GRM8: variants seen among roughly 807,000 people sequenced by gnomAD.
The protein encoded by GRM8 is glutamate metabotropic receptor 8.
GRM8 carries 47 observed loss-of-function variants against 87.2 expected under a neutral mutation model. The observed-to-expected ratio is 0.54, with a 90% CI of 0.43 to 0.69. The LOEUF is 0.69. GRM8 is among the 30% of genes least tolerant of loss of function. The pLI is 0.00. For synonymous variants in GRM8, 396 were observed against 404.5 expected, an observed-to-expected ratio of 0.98 and a Z score of 0.25; for missense variants, 1,019 against 1,139.2, an observed-to-expected ratio of 0.89 and a Z score of 1.52.
chr7:126,926,488 G>A (rs1269879507), intron 3 of GRM8, among the ~76,000 whole-genome samples: 1 of 151,976 alleles, frequency 6.6e-6, no homozygotes, highest in Non-Finnish European at 1.5e-5. Context: ...TCTCACCTGG[G>A]TTACTATAAT....
At chr7:127,096,045 T>C (rs866597165) in intron 3 of GRM8, among the ~76,000 whole-genome samples, 11 of 152,214 alleles carry the variant, frequency 7.2e-5, no homozygotes, top group Non-Finnish European at 1.5e-4. Context: ...TATTTAACTA[T>C]GGGCCAGCAC....
chr7:126,570,017 T>C (rs1794567252), intron 8 of GRM8, among the ~76,000 whole-genome samples: 1 of 152,198 alleles, frequency 6.6e-6, no homozygotes, highest in African/African-American at 2.4e-5. Context: ...TTTATCCACA[T>C]GGATTTCATG....
intron 3 of GRM8, among the ~76,000 whole-genome samples, chr7:126,964,710 G>C (rs181842114): frequency 1.7e-3 from 258 of 152,296 alleles, no homozygotes; most frequent in African/African-American, 6.0e-3. Context: ...CCCTGTTGGT[G>C]GTAGGGTAAA....
chr7:127,157,135 A>G (rs1463214964), intron 2 of GRM8, among the ~76,000 whole-genome samples: 1 of 151,898 alleles, frequency 6.6e-6, no homozygotes, highest in Non-Finnish European at 1.5e-5. Context: ...AGGTCTAACA[A>G]GGAAAAGAAG....
At chr7:126,992,842 T>C (rs1312956067) in intron 3 of GRM8, among the ~76,000 whole-genome samples, 1 of 151,954 alleles carries the variant, frequency 6.6e-6, no homozygotes, top group Non-Finnish European at 1.5e-5. Flanking sequence ...TGTGTGTGTG[T>C]GTGTGTGTGT....
At chr7:126,562,828 C>T (rs899246930) in intron 8 of GRM8, among the ~76,000 whole-genome samples, 1 of 152,048 alleles carries the variant, frequency 6.6e-6, no homozygotes, top group African/African-American at 2.4e-5. Context: ...ACCCAGGAGG[C>T]AGATATTGCG....
At chr7:126,814,759 ATAT>A (rs1431862977) in intron 6 of GRM8, among the ~76,000 whole-genome samples, 1 of 149,416 alleles carries the variant, frequency 6.7e-6, no homozygotes, top group Non-Finnish European at 1.5e-5. Context: ...TGCCATTCTT[ATAT>A]TTTTTTTTTC....
chr7:127,165,297 G>T (rs1356723590), intron 2 of GRM8, among the ~76,000 whole-genome samples: 2 of 150,054 alleles, frequency 1.3e-5, no homozygotes, highest in Non-Finnish European at 3.0e-5. Context: ...TTTCTAAAAG[G>T]GTGACATTTT....
At chr7:126,735,789 A>C (rs978728626) in intron 7 of GRM8, among the ~76,000 whole-genome samples, 1 of 152,108 alleles carries the variant, frequency 6.6e-6, no homozygotes, top group African/African-American at 2.4e-5. Context: ...GAACAAAGAG[A>C]GACACAGAAT....
At chr7:127,183,555 A>G (rs1425297128) in intron 2 of GRM8, among the ~76,000 whole-genome samples, 1 of 151,792 alleles carries the variant, frequency 6.6e-6, no homozygotes, top group African/African-American at 2.4e-5. Flanking sequence ...AAGGAAAATT[A>G]TGGCACTAAA....
intron 7 of GRM8, among the ~76,000 whole-genome samples, chr7:126,700,195 C>T (rs1461902339): frequency 1.3e-5 from 2 of 152,082 alleles, no homozygotes; most frequent in East Asian, 1.9e-4. Flanking sequence ...ACAGCAATTT[C>T]ACAATATCTA....
intron 3 of GRM8, among the ~76,000 whole-genome samples, chr7:127,051,763 AAAGC>A (rs1819512062): frequency 1.3e-5 from 2 of 150,128 alleles, no homozygotes; most frequent in African/African-American, 2.5e-5. Flanking sequence ...AAAAAAAAAA[AAAGC>A]AGGTTATAAA....
intron 7 of GRM8, among the ~76,000 whole-genome samples, chr7:126,744,436 G>A (rs1299212791): frequency 6.6e-6 from 1 of 151,920 alleles, no homozygotes; most frequent in Non-Finnish European, 1.5e-5. Context: ...TCAAGTCCAG[G>A]TTTTCTGATC....
At chr7:127,125,162 A>G (rs1347220863) in intron 2 of GRM8, among the ~76,000 whole-genome samples, 2 of 152,202 alleles carry the variant, frequency 1.3e-5, no homozygotes, top group Non-Finnish European at 2.9e-5. Context: ...AATGCAAAGA[A>G]TTTACAATAG....
At chr7:126,588,138 A>G (rs1028167124) in intron 8 of GRM8, among the ~76,000 whole-genome samples, 17 of 152,324 alleles carry the variant, frequency 1.1e-4, no homozygotes, top group African/African-American at 3.8e-4. Flanking sequence ...ATATGTACCC[A>G]TGGCTCTGAC....
chr7:126,859,071 C>A (rs891188153), intron 6 of GRM8, among the ~76,000 whole-genome samples: 2 of 151,980 alleles, frequency 1.3e-5, no homozygotes, highest in Admixed American at 1.3e-4. Context: ...GGGTTGGTTT[C>A]CATCAGGGCA....
At chr7:127,056,778 C>T (rs569246168) in intron 3 of GRM8, among the ~76,000 whole-genome samples, 25 of 152,250 alleles carry the variant, frequency 1.6e-4, no homozygotes, top group Admixed American at 1.2e-3. Flanking sequence ...AGCTGTCAAC[C>T]GGTGGAGCTT....
At chr7:126,729,181 C>T (rs537490288) in intron 7 of GRM8, among the ~76,000 whole-genome samples, 3 of 152,150 alleles carry the variant, frequency 2.0e-5, no homozygotes, top group South Asian at 2.1e-4. Flanking sequence ...CACGTGGCAC[C>T]AATTGTAGCC....
intron 3 of GRM8, among the ~76,000 whole-genome samples, chr7:127,037,433 C>G (rs895665264): frequency 6.6e-6 from 1 of 152,124 alleles, no homozygotes; most frequent in African/African-American, 2.4e-5. Context: ...CTGAGCCTCT[C>G]CCTCCCCCAA....
Sources: allele counts gnomAD v4.1 joint callset (sites outside exome capture counted in the v4.1 genomes callset), GRCh38; gene constraint gnomAD v4.1.1; transcripts MANE v1.5; gene names NCBI Gene and HGNC (gene_info 2026-07-23, HGNC 2026-07-21).